Variants in KIF17 observed in about 807,000 individuals in gnomAD.
KIF17 encodes kinesin family member 17.
A neutral mutation model predicts 96.8 loss-of-function variants in KIF17; 80 were observed. The observed-to-expected ratio is 0.83, with a 90% CI of 0.69 to 1.00. The LOEUF is 1.00. Ranked by LOEUF, KIF17 falls within the 50% of genes least tolerant of loss-of-function variation. KIF17 has a pLI of 0.00. For synonymous variants in KIF17, 567 were observed against 587.5 expected (o/e 0.97, Z 0.51); for missense variants, 1,280 against 1,372.9 (o/e 0.93, Z 1.07).
intron 13 of KIF17, among the ~76,000 whole-genome samples, chr1:20,667,329 C>T (rs1469996298): frequency 6.6e-6 from 1 of 152,112 alleles, no homozygotes; most frequent in Admixed American, 6.5e-5. Flanking sequence ...GAATCTAATG[C>T]CTGAAGATCT....
chr1:20,690,864 T>C (rs968552300), intron 6 of KIF17, among the ~76,000 whole-genome samples: 1 of 151,750 alleles, frequency 6.6e-6, no homozygotes, highest in Admixed American at 6.6e-5. Context: ...TTTTTTTGTA[T>C]TTTTAGTAGA....
chr1:20,681,125 CAA>C (rs752792783), intron 11 of KIF17, among the ~76,000 whole-genome samples: 3 of 105,026 alleles, frequency 2.9e-5, no homozygotes, highest in East Asian at 2.9e-4. Flanking sequence ...GACTCTGTCT[CAA>C]AAAAAAAAAA....
downstream of KIF17, among the ~76,000 whole-genome samples, chr1:20,663,151 G>T (rs1380055332): frequency 6.6e-6 from 1 of 152,176 alleles, no homozygotes; most frequent in East Asian, 1.9e-4. Flanking sequence ...TTGAACCCAG[G>T]AGGTGGAGGC....
At chr1:20,694,284 A>G (rs1489169657) in intron 6 of KIF17, among the ~76,000 whole-genome samples, 3 of 152,146 alleles carry the variant, frequency 2.0e-5, no homozygotes, top group African/African-American at 7.2e-5. Flanking sequence ...TTTTTGGTAG[A>G]AACAGGGTTT....
chr1:20,665,719 C>T (rs1476055806), intron 14 of KIF17, among the ~76,000 whole-genome samples: 1 of 152,118 alleles, frequency 6.6e-6, no homozygotes, highest in Non-Finnish European at 1.5e-5. Context: ...CTTTTTATTG[C>T]TATTTTATTG....
intron 2 of KIF17, 75 bp from the exon 3 acceptor site, chr1:20,713,630 C>CT: frequency 2.8e-6 from 3 of 1,073,426 alleles, no homozygotes; most frequent in Non-Finnish European, 4.2e-6. Flanking sequence ...ACCCTGGGGC[C>CT]TGGGCCCTCT....
intron 13 of KIF17, among the ~76,000 whole-genome samples, chr1:20,667,609 C>T (rs2053551286): frequency 6.6e-6 from 1 of 152,198 alleles, no homozygotes; most frequent in African/African-American, 2.4e-5. Flanking sequence ...GTTGCTTTAA[C>T]AGACCAGGCC....
At chr1:20,678,437 C>T (rs1301308487) in intron 11 of KIF17, among the ~76,000 whole-genome samples, 1 of 151,978 alleles carries the variant, frequency 6.6e-6, no homozygotes, top group Non-Finnish European at 1.5e-5. Flanking sequence ...ATAAAATAAA[C>T]AGCATCCTAG....
downstream of KIF17, among the ~76,000 whole-genome samples, chr1:20,661,938 C>G (rs2053442636): frequency 6.6e-6 from 1 of 152,272 alleles, no homozygotes; most frequent in Non-Finnish European, 1.5e-5. Context: ...ATGGACGGGC[C>G]TGTGCTGCCC....
At position 20,717,823 on chromosome 1, in the gene KIF17, A is replaced by G. The variant is rs1247143762; in HGVS notation, c.-117T>C. ...GCCACGGGGGGCGGGGCCTTGAGGC[A>G]GGGGCGGGGCCGCGGCGGGGGGCGG... On this transcript the variant is annotated 5_prime_UTR_variant, in exon 1 of 15. Coordinates refer to ENST00000400463, the MANE Select transcript of KIF17 (RefSeq NM_001122819.3). 4 of 1,109,630 alleles carry G rather than the reference A, an allele frequency of 3.6e-6. No individual in the cohort carries two copies. The highest frequency in any genetic ancestry group is 4.6e-6 in the Non-Finnish European group (4 of 874,856). The allele number at this position is 1,109,630 out of a possible 1,614,324, so 68.7% of individuals were successfully genotyped here.
intron 3 of KIF17, among the ~76,000 whole-genome samples, chr1:20,712,991 T>G (rs1043320475): frequency 2.1e-4 from 30 of 139,978 alleles, no homozygotes; most frequent in Admixed American, 3.9e-4. Flanking sequence ...AGATACTATA[T>G]ATAATATAGA....
intron 3 of KIF17, among the ~76,000 whole-genome samples, chr1:20,712,863 T>TTAAAGATATTATCTATAA (rs2054493904): frequency 2.6e-5 from 1 of 38,046 alleles, no homozygotes; most frequent in African/African-American, 7.7e-5. Flanking sequence ...ATTATCTATA[T>TTAAAGATATTATCTATAA]TATAGATATT....
intron 5 of KIF17, among the ~76,000 whole-genome samples, chr1:20,702,981 C>T (rs533352045): frequency 1.2e-4 from 18 of 152,262 alleles, no homozygotes; most frequent in Non-Finnish European, 2.1e-4. Flanking sequence ...CTCAGGGAAC[C>T]TTCAGTGGAT....
Position 20,707,774 on chromosome 1 carries a change from C to A in KIF17, c.670+1865G>T, listed in dbSNP as rs1439375788. Among the ~76,000 whole-genome samples, 140 of 110,264 alleles carry A rather than the reference C, an allele frequency of 1.3e-3. 1 individual carries two copies. Among genetic ancestry groups the A allele is most frequent in the African/African-American group, 5.2e-3 (126 of 24,424 alleles). The allele number at this position is 110,264 out of a possible 152,430, so 72.3% of individuals were successfully genotyped here. On this transcript the variant is annotated intron_variant, in intron 4 of 14. Transcript: ENST00000400463. ...AACAGAGCTGTCTCAAAAAAAAAAA[C>A]AAACCAATGTGTATGTGTGTGTGTG...
Position 20,717,846 on chromosome 1 carries a change from CGGGGACCCCTCG to C in KIF17, c.-152_-141del. The C allele has an allele frequency of 5.6e-6, 4 of 710,632 alleles. No individual in the cohort carries two copies. The highest frequency in any genetic ancestry group is 6.9e-6 in the Non-Finnish European group (4 of 575,656). 44.0% of individuals were successfully genotyped at this position (710,632 alleles called of 1,614,324 possible). ...GCAGGGGCGGGGCCGCGGCGGGGGG[CGGGGACCCCTCG>C]GGGGGCGCCCCGGAGGGGAGCTGGG... On this transcript the variant is annotated 5_prime_UTR_variant, in exon 1 of 15. Transcript: ENST00000400463.
chr1:20,713,010 T>A (rs1266721192), intron 3 of KIF17, among the ~76,000 whole-genome samples: 1 of 143,476 alleles, frequency 7.0e-6, no homozygotes. Context: ...GATATATATA[T>A]TTTGAGACGG....
intron 6 of KIF17, among the ~76,000 whole-genome samples, chr1:20,692,344 T>C (rs2054053844): frequency 6.6e-6 from 1 of 151,644 alleles, no homozygotes; most frequent in Non-Finnish European, 1.5e-5. Flanking sequence ...TCTATTGCTT[T>C]TTTTTTTTCC....
Position 20,664,145 on chromosome 1 carries a change from C to G in KIF17, c.*439G>C. ...TGCCACCCCATGGGGCAGGGCAGTG[C>G]TTAGGAAGTGGGGCCAGTCAGACAG... is the stretch of plus-strand genomic sequence containing the variant. On this transcript the variant is annotated 3_prime_UTR_variant, in exon 15 of 15. Coordinates refer to ENST00000400463, the MANE Select transcript of KIF17 (RefSeq NM_001122819.3). 3.3e-6 allele frequency: 1 copy of G among 304,074 alleles called. No homozygotes were observed. The highest frequency in any genetic ancestry group is 6.3e-6 in the Non-Finnish European group (1 of 158,506). The allele number at this position is 304,074 out of a possible 1,614,324, so 18.8% of individuals were successfully genotyped here. A position where few individuals can be genotyped will look rare whatever the true frequency, so the allele number is the denominator to read the frequency against.
At chr1:20,686,194 A>T in intron 8 of KIF17, 68 bp from the exon 9 acceptor site, 1 of 1,365,876 alleles carries the variant, frequency 7.3e-7, no homozygotes, top group Non-Finnish European at 1.0e-6. Flanking sequence ...TTACTCCCTC[A>T]CCCCTGGCCT....
Sources: allele counts gnomAD v4.1 joint callset (sites outside exome capture counted in the v4.1 genomes callset), GRCh38; gene constraint gnomAD v4.1.1; transcripts MANE v1.5; gene names NCBI Gene and HGNC (gene_info 2026-07-23, HGNC 2026-07-21).